Variants in KIAA1328 observed in about 807,000 individuals in gnomAD.
KIAA1328 encodes KIAA1328, also known as protein hinderin.
In KIAA1328, 52 loss-of-function variants were observed where a neutral mutation model predicts 68.1. The observed-to-expected ratio is 0.76, with a 90% CI of 0.61 to 0.96. The LOEUF (loss-of-function observed/expected upper bound fraction) is 0.96, where lower values mean the gene tolerates loss of function less well. Among genes scored for constraint, KIAA1328 ranks in the 40% least tolerant of loss-of-function variants. The pLI, the probability that KIAA1328 is intolerant of heterozygous loss-of-function variation, is 0.00. For synonymous variants in KIAA1328, 232 were observed against 239.4 expected (o/e 0.97, Z 0.28); for missense variants, 641 against 677.6 (o/e 0.95, Z 0.60).
At chr18:37,073,928 G>A (rs533667357) in intron 7 of KIAA1328, among the ~76,000 whole-genome samples, 1 of 152,268 alleles carries the variant, frequency 6.6e-6, no homozygotes, top group Non-Finnish European at 1.5e-5. Context: ...GTGGCATGAT[G>A]AGTGATTTTT....
At chr18:36,986,243 G>A (rs2052918712) in intron 6 of KIAA1328, among the ~76,000 whole-genome samples, 1 of 151,650 alleles carries the variant, frequency 6.6e-6, no homozygotes, top group Non-Finnish European at 1.5e-5. Context: ...TCTATATAAT[G>A]GAAAACTGCT....
intron 7 of KIAA1328, among the ~76,000 whole-genome samples, chr18:37,111,516 A>G (rs1012193327): frequency 2.6e-5 from 4 of 152,218 alleles, no homozygotes. Flanking sequence ...CTTAAGCCAT[A>G]CTTAACCTTC....
At chr18:37,085,971 A>T (rs925944451) in intron 7 of KIAA1328, among the ~76,000 whole-genome samples, 16 of 152,178 alleles carry the variant, frequency 1.1e-4, no homozygotes, top group Non-Finnish European at 1.9e-4. Context: ...AATTTTGTAT[A>T]ATTATTTTCT....
chr18:37,114,203 T>C (rs2058033069), intron 7 of KIAA1328, among the ~76,000 whole-genome samples: 1 of 152,208 alleles, frequency 6.6e-6, no homozygotes, highest in African/African-American at 2.4e-5. Context: ...CAACAGACTA[T>C]ACATTCTTCT....
rs1568552876 is a variant in KIAA1328 at position 37,222,459 on chromosome 18, T to C, written c.*232T>C. On this transcript the variant is annotated 3_prime_UTR_variant, in exon 10 of 10. Coordinates refer to ENST00000280020, the MANE Select transcript of KIAA1328 (RefSeq NM_020776.3). ...TAGGAATGGAAGATGGTATCTTTTA[T>C]ATGCTAAACAGATTAGAAAATTAAC... The C allele has an allele frequency of 3.7e-6, 5 of 1,359,158 alleles. No homozygotes were observed. Among genetic ancestry groups the C allele is most frequent in the Non-Finnish European group, 4.7e-6 (5 of 1,055,910 alleles). 84.2% of individuals were successfully genotyped at this position (1,359,158 alleles called of 1,614,324 possible). A position where few individuals can be genotyped will look rare whatever the true frequency, so the allele number is the denominator to read the frequency against.
intron 6 of KIAA1328, among the ~76,000 whole-genome samples, chr18:37,001,717 T>G (rs1406442924): frequency 6.6e-6 from 1 of 152,078 alleles, no homozygotes; most frequent in African/African-American, 2.4e-5. Flanking sequence ...AATCAGTAAA[T>G]GTAGAACATC....
At chr18:37,200,906 C>A (rs184789293) in intron 9 of KIAA1328, among the ~76,000 whole-genome samples, 1 of 152,064 alleles carries the variant, frequency 6.6e-6, no homozygotes, top group Non-Finnish European at 1.5e-5. Context: ...CACAGTTCCC[C>A]CTTTTGATCA....
At chr18:37,186,345 C>T (rs2059799847) in intron 9 of KIAA1328, among the ~76,000 whole-genome samples, 1 of 151,658 alleles carries the variant, frequency 6.6e-6, no homozygotes, top group African/African-American at 2.4e-5. Flanking sequence ...GAGGGTGGAT[C>T]ACTTGAGCTC....
downstream of KIAA1328, among the ~76,000 whole-genome samples, chr18:37,228,526 A>G (rs1444667883): frequency 6.6e-6 from 1 of 152,194 alleles, no homozygotes; most frequent in Non-Finnish European, 1.5e-5. Flanking sequence ...GCAAAAAAAG[A>G]TTACAACCCC....
intron 5 of KIAA1328, among the ~76,000 whole-genome samples, chr18:36,906,407 GC>G (rs2049223644): frequency 6.6e-6 from 1 of 152,036 alleles, no homozygotes; most frequent in African/African-American, 2.4e-5. Context: ...TATAGTTTTT[GC>G]CTTTTGCAGA....
chr18:36,851,783 C>T (rs1244457192), intron 4 of KIAA1328, among the ~76,000 whole-genome samples: 1 of 139,904 alleles, frequency 7.1e-6, no homozygotes, highest in Admixed American at 7.2e-5. Context: ...TTTTTTAGTT[C>T]TCTGTCTTTA....
chr18:36,831,121 T>C (rs1246574629), intron 1 of KIAA1328, among the ~76,000 whole-genome samples: 1 of 152,230 alleles, frequency 6.6e-6, no homozygotes, highest in African/African-American at 2.4e-5. Flanking sequence ...AGAGCCTTTA[T>C]AGTAGAATTT....
intron 5 of KIAA1328, among the ~76,000 whole-genome samples, chr18:36,915,579 A>G (rs1268125017): frequency 6.6e-6 from 1 of 152,196 alleles, no homozygotes; most frequent in African/African-American, 2.4e-5. Flanking sequence ...CATGTCCAAC[A>G]TCTTTACTCA....
chr18:36,847,018 G>A (rs746417324), intron 4 of KIAA1328, among the ~76,000 whole-genome samples: 3 of 151,434 alleles, frequency 2.0e-5, no homozygotes, highest in Non-Finnish European at 3.0e-5. Context: ...TCATATAAGT[G>A]AAATCATACA....
At chr18:37,175,070 C>T (rs2059573799) in intron 9 of KIAA1328, among the ~76,000 whole-genome samples, 1 of 152,160 alleles carries the variant, frequency 6.6e-6, no homozygotes, top group Non-Finnish European at 1.5e-5. Flanking sequence ...CTTTGGATCA[C>T]TTAACGTTGT....
At chr18:36,897,113 A>G (rs764713182) in intron 5 of KIAA1328, among the ~76,000 whole-genome samples, 1 of 152,134 alleles carries the variant, frequency 6.6e-6, no homozygotes, top group Non-Finnish European at 1.5e-5. Context: ...TTAGAAGTCA[A>G]CAGAATATCT....
chr18:36,988,275 A>G (rs1377562659), intron 6 of KIAA1328, among the ~76,000 whole-genome samples: 2 of 152,224 alleles, frequency 1.3e-5, no homozygotes, highest in Non-Finnish European at 2.9e-5. Flanking sequence ...ACATCTTTAT[A>G]TAAGTGTATA....
At chr18:36,946,499 T>A (rs2050906549) in intron 5 of KIAA1328, 1 of 152,176 alleles carries the variant, frequency 6.6e-6, no homozygotes, top group African/African-American at 2.4e-5. Context: ...CAGAATTTGC[T>A]TTCCAACAAG....
rs2060616387 is a variant in KIAA1328, at chr18:37,224,641, C to G, written c.*2414C>G. 1 of 985,054 alleles carries G rather than the reference C, an allele frequency of 1.0e-6. No homozygotes were observed. The highest frequency in any genetic ancestry group is 6.2e-5 in the Admixed American group (1 of 16,254). 61.0% of individuals were successfully genotyped at this position (985,054 alleles called of 1,614,324 possible). ...ATATGAATGAAAGGTTGTTACAGAG[C>G]CTCAAAGCTGTTGCAGACTATCCCA... On this transcript the variant is annotated 3_prime_UTR_variant, in exon 10 of 10. Coordinates refer to ENST00000280020, the MANE Select transcript of KIAA1328 (RefSeq NM_020776.3).
Sources: gnomAD v4.1 joint callset for allele counts (sites outside exome capture counted in the v4.1 genomes callset) on GRCh38, gnomAD v4.1.1 for gene constraint, MANE v1.5 for transcripts, NCBI Gene and HGNC (gene_info 2026-07-23, HGNC 2026-07-21) for gene names.